The following MAP4K3 variants were observed in gnomAD, a reference collection of about 807,000 sequenced individuals.
MAP4K3 encodes mitogen-activated protein kinase kinase kinase kinase 3.
MAP4K3 carries 94 observed loss-of-function variants against 143.5 expected under a neutral mutation model. The ratio of observed to expected loss-of-function variants is 0.65; its 90% CI spans 0.55 to 0.78. MAP4K3 has a LOEUF of 0.78. MAP4K3 is among the 30% of genes least tolerant of loss of function. The pLI is 0.00. For synonymous variants in MAP4K3, 416 were observed against 347.2 expected (o/e 1.20, Z -2.20); for missense variants, 1,077 against 1,068.1 (o/e 1.01, Z -0.12).
chr2:39,351,294 T>C (rs899128293), intron 3 of MAP4K3, among the ~76,000 whole-genome samples: 1 of 152,224 alleles, frequency 6.6e-6, no homozygotes, highest in Non-Finnish European at 1.5e-5. Flanking sequence ...TCTATACACA[T>C]AAATATCTAC....
intron 1 of MAP4K3, among the ~76,000 whole-genome samples, chr2:39,403,969 A>G (rs1667022966): frequency 6.6e-6 from 1 of 151,378 alleles, no homozygotes; most frequent in South Asian, 2.1e-4. Context: ...TTCTAGACAC[A>G]CCCTGGGCCA....
intron 13 of MAP4K3, among the ~76,000 whole-genome samples, chr2:39,310,012 G>A (rs1682887580): frequency 6.6e-6 from 1 of 152,020 alleles, no homozygotes; most frequent in African/African-American, 2.4e-5. Flanking sequence ...AAATATTCAT[G>A]GTGGTATATG....
chr2:39,265,056 C>A lies in MAP4K3; in HGVS notation c.2136+147G>T, dbSNP rs1573069541. ...TTTACTAGGCCAATTAAGTTGCTTACAACTGGGCAGATTTTTACAACCCTG... is the reference window on the plus strand; with the variant it reads ...TTTACTAGGCCAATTAAGTTGCTTAAAACTGGGCAGATTTTTACAACCCTG... On this transcript the variant is annotated intron_variant, in intron 28 of 33. Transcript: ENST00000263881. 4 of 627,734 alleles carry A rather than the reference C, an allele frequency of 6.4e-6. No individual in the cohort carries two copies. In the East Asian group the frequency reaches 8.2e-5, roughly 13 times the overall value. 38.9% of individuals were successfully genotyped at this position (627,734 alleles called of 1,614,324 possible). A position where few individuals can be genotyped will look rare whatever the true frequency, so the allele number is the denominator to read the frequency against.
chr2:39,307,991 A>C lies in MAP4K3; in HGVS notation c.1071T>G (p.Gly357=), dbSNP rs746657146. ...ATATTTCTTCTGAACTGTCCAAAAA[A>C]CCATCACTGTCGGGCTGTTTAGCAG... ...EPHHELPDSD[G]FLDSSEEIYY... Residue 357 remains glycine (G), a synonymous_variant, in exon 15 of 34, where the codon GGT becomes GGG. Coordinates refer to ENST00000263881, the MANE Select transcript of MAP4K3 (RefSeq NM_003618.4). 2.5e-6 allele frequency: 4 copies of C among 1,599,894 alleles called. No individual in the cohort carries two copies. In the African/African-American group the frequency reaches 5.4e-5, roughly 22 times the overall value.
chr2:39,332,059 A>T, intron 7 of MAP4K3, 70 bp from the exon 8 acceptor site: 4 of 792,696 alleles, frequency 5.0e-6, no homozygotes, highest in Non-Finnish European at 6.0e-6. Context: ...ACATAAAAAG[A>T]AACTTTTAAA....
rs935165039 is a variant in MAP4K3, at chr2:39,336,040, GA to G, written c.414+879del. Among the ~76,000 whole-genome samples, 22 of 151,926 alleles carry G rather than the reference GA, an allele frequency of 1.4e-4. No homozygotes were observed. The East Asian group carries it at 1.7e-3, about 12-fold the overall frequency. Reference sequence around the variant, plus strand: ...GAAGGCACAAGAAAAATAAGTGAAAGAAAAAAAATCTAAACTGGGGAGATGG... The same window carrying G: ...GAAGGCACAAGAAAAATAAGTGAAAGAAAAAAATCTAAACTGGGGAGATGG... On this transcript the variant is annotated intron_variant, in intron 6 of 33. Transcript: ENST00000263881.
chr2:39,328,540 CA>C (rs142440422), intron 8 of MAP4K3, among the ~76,000 whole-genome samples: 2,180 of 152,210 alleles, frequency 0.014, 46 homozygotes, highest in African/African-American at 0.05. Flanking sequence ...GAAATCAGAT[CA>C]GGGGTTACCA....
At chr2:39,254,669 A>C in intron 31 of MAP4K3, 149 bp from the exon 32 acceptor site, 1 of 582,388 alleles carries the variant, frequency 1.7e-6, no homozygotes, top group Admixed American at 2.8e-5. Flanking sequence ...ACATTTGAAA[A>C]GTTTAAAAAT....
chr2:39,387,565 A>T (rs2148591544), intron 1 of MAP4K3, among the ~76,000 whole-genome samples: 1 of 152,374 alleles, frequency 6.6e-6, no homozygotes, highest in African/African-American at 2.4e-5. Flanking sequence ...ATGCAATGTA[A>T]CTCACTGTGA....
intron 24 of MAP4K3, among the ~76,000 whole-genome samples, chr2:39,274,560 T>C (rs1681170171): frequency 6.6e-6 from 1 of 152,146 alleles, no homozygotes; most frequent in South Asian, 2.1e-4. Context: ...ATCTAAAGCT[T>C]TACTAGATTT....
intron 1 of MAP4K3, among the ~76,000 whole-genome samples, chr2:39,380,405 C>T (rs1475986541): frequency 6.6e-6 from 1 of 152,052 alleles, no homozygotes; most frequent in African/African-American, 2.4e-5. Flanking sequence ...CAAGGTTACA[C>T]ACAAAGGTAA....
intron 22 of MAP4K3, 143 bp downstream of exon 22, chr2:39,282,370 T>C (rs970219622): frequency 4.3e-6 from 3 of 691,972 alleles, no homozygotes; most frequent in Non-Finnish European, 7.6e-6. Context: ...TGGTGACACA[T>C]GCCTGTAATT....
At chr2:39,376,934 G>A (rs939257237) in intron 2 of MAP4K3, among the ~76,000 whole-genome samples, 1 of 152,096 alleles carries the variant, frequency 6.6e-6, no homozygotes, top group Non-Finnish European at 1.5e-5. Context: ...TCAGAAAAAA[G>A]ATAAACATCT....
chr2:39,371,510 A>T (rs1666080777), intron 2 of MAP4K3, among the ~76,000 whole-genome samples: 1 of 152,298 alleles, frequency 6.6e-6, no homozygotes, highest in East Asian at 1.9e-4. Flanking sequence ...AAAATCTGAT[A>T]TACACAATGC....
chr2:39,277,967 T>C (rs1190949377), intron 24 of MAP4K3, among the ~76,000 whole-genome samples: 1 of 151,134 alleles, frequency 6.6e-6, no homozygotes, highest in Non-Finnish European at 1.5e-5. Context: ...GGCAACATGG[T>C]GAAACCCTAT....
chr2:39,257,443 C>T (rs1418673601), intron 31 of MAP4K3, among the ~76,000 whole-genome samples: 1 of 152,138 alleles, frequency 6.6e-6, no homozygotes, highest in Non-Finnish European at 1.5e-5. Flanking sequence ...TTTTAAAGCA[C>T]TTATAGAAAA....
In MAP4K3 at chr2:39,437,141, T is replaced by C. The variant is rs1402931465; in HGVS notation, c.-154A>G. 6 of 444,126 alleles carry C rather than the reference T, an allele frequency of 1.4e-5. No homozygotes were observed. Among genetic ancestry groups the C allele is most frequent in the Non-Finnish European group, 1.9e-5 (5 of 261,348 alleles). 27.5% of individuals were successfully genotyped at this position (444,126 alleles called of 1,614,324 possible). On this transcript the variant is annotated 5_prime_UTR_variant, in exon 1 of 34. Coordinates refer to ENST00000263881, the MANE Select transcript of MAP4K3 (RefSeq NM_003618.4). Reference sequence around the variant, plus strand: ...CTGCGGCCGCCGCCGCCGCCGCCGCTCCCCTCACGCCGCTGCGGACGACGA... The same window carrying C: ...CTGCGGCCGCCGCCGCCGCCGCCGCCCCCCTCACGCCGCTGCGGACGACGA...
intron 31 of MAP4K3, 28 bp from the exon 32 acceptor site, chr2:39,254,548 G>C: frequency 6.3e-7 from 1 of 1,586,404 alleles, no homozygotes; most frequent in Non-Finnish European, 8.6e-7. Context: ...CTCAATTACT[G>C]TTAATAGTAC....
chr2:39,393,942 A>C (rs1415111499), intron 1 of MAP4K3, among the ~76,000 whole-genome samples: 3 of 152,216 alleles, frequency 2.0e-5, no homozygotes, highest in Non-Finnish European at 4.4e-5. Context: ...TCAGTTGTAT[A>C]TCTTTCATTA....
Sources: allele counts gnomAD v4.1 joint callset (sites outside exome capture counted in the v4.1 genomes callset), GRCh38; gene constraint gnomAD v4.1.1; transcripts MANE v1.5; gene names NCBI Gene and HGNC (gene_info 2026-07-23, HGNC 2026-07-21).